Variants in ANKRD16 observed in about 807,000 individuals in gnomAD.
The protein encoded by ANKRD16 is ankyrin repeat domain-containing protein 16.
Under a neutral mutation model 37.9 loss-of-function variants are expected in ANKRD16, and 35 were observed. The observed-to-expected ratio is 0.92, with a 90% CI of 0.71 to 1.23. The LOEUF (loss-of-function observed/expected upper bound fraction) is 1.23. ANKRD16 is among the 50% of genes most tolerant of loss of function. The pLI, the probability that ANKRD16 is intolerant of heterozygous loss-of-function variation, is 0.00. For synonymous variants in ANKRD16, 206 were observed against 197.2 expected, an observed-to-expected ratio of 1.04 and a Z score of -0.37; for missense variants, 480 against 469.9, an observed-to-expected ratio of 1.02 and a Z score of -0.20.
chr10:5,868,632 C>CCCAG lies in ANKRD16; in HGVS notation c.*34-5945_*34-5942dup, dbSNP rs948409601. On this transcript the variant is annotated intron_variant, in intron 7 of 7. Transcript: ENST00000380094. This position sits in a 1 kb window ranked among gnomAD's most constrained non-coding sequence, Gnocchi z 4.9. Reference sequence around the variant, plus strand: ...AGTAAGGGAATAAAAGCTGGCCACCCCCAGCCAGCAGCGGCAACCCACTCG... The same window carrying CCCAG: ...AGTAAGGGAATAAAAGCTGGCCACCCCCAGCCAGCCAGCAGCGGCAACCCACTCG... 3.9e-5 allele frequency among the ~76,000 whole-genome samples: 6 copies of CCCAG among 152,138 alleles called. No homozygotes were observed. The highest frequency in any genetic ancestry group is 1.2e-4 in the African/African-American group (5 of 41,422).
In ANKRD16 at chr10:5,872,695, T is replaced by C. The variant is rs755806555; in HGVS notation, c.*33+5402A>G. Among the ~76,000 whole-genome samples, 22 of 150,986 alleles carry C rather than the reference T, an allele frequency of 1.5e-4. No individual in the cohort carries two copies. The East Asian group carries it at 2.0e-3, about 14-fold the overall frequency. On this transcript the variant is annotated intron_variant, in intron 7 of 7. Coordinates refer to ENST00000380094, the MANE Select transcript of ANKRD16 (RefSeq NM_019046.3). Reference sequence around the variant, plus strand: ...CCTCAGCCTCTCGAGTAGCTAGGACTACAGGCGCCCGCCACCACACCCGGC... The same window carrying C: ...CCTCAGCCTCTCGAGTAGCTAGGACCACAGGCGCCCGCCACCACACCCGGC...
In ANKRD16 at chr10:5,888,044, G is replaced by T; in HGVS notation, c.338C>A (p.Thr113Lys). 6.2e-7 allele frequency: 1 copy of T among 1,614,154 alleles called. No individual in the cohort carries two copies. Among genetic ancestry groups the T allele is most frequent in the South Asian group, 1.1e-5 (1 of 91,082 alleles). Residue 113 changes from threonine to lysine, a missense_variant, in exon 2 of 8, where the codon ACA (threonine) becomes AAA (lysine). By Grantham distance (78) the Thr-to-Lys change is moderately conservative. Coordinates refer to ENST00000380094, the MANE Select transcript of ANKRD16 (RefSeq NM_019046.3). ...ADWTPLMMAC[T>K]RKNLGVIQEL... ...CTGGATCACCCCCAGGTTCTTCCTT[G>T]TGCAGGCCATCATCAGAGGAGTCCT...
At position 5,866,293 on chromosome 10, in the gene ANKRD16, G is replaced by A. The variant is rs193057581; in HGVS notation, c.*34-3602C>T. Among the ~76,000 whole-genome samples, 5 of 152,294 alleles carry A rather than the reference G, an allele frequency of 3.3e-5. No homozygotes were observed. The highest frequency in any genetic ancestry group is 1.9e-4 in the East Asian group (1 of 5,188). On this transcript the variant is annotated intron_variant, in intron 7 of 7. Transcript: ENST00000380094. This position sits in a 1 kb window ranked among gnomAD's most constrained non-coding sequence, Gnocchi z 4.3. ...GTTATAGTCCAGACTTATGCTGCCC[G>A]AGATGAATTCTTAGAAGTCCCCTTA...
Position 5,871,343 on chromosome 10 carries a change from AGCCATT to A in ANKRD16, c.*33+6748_*33+6753del, listed in dbSNP as rs1344983649. Among the ~76,000 whole-genome samples the A allele has an allele frequency of 3.9e-5, 6 of 152,032 alleles. No individual in the cohort carries two copies. In the South Asian group the frequency reaches 6.2e-4, roughly 16 times the overall value. On this transcript the variant is annotated intron_variant, in intron 7 of 7. Transcript: ENST00000380094. The surrounding 1 kb of genome is among the most constrained non-coding windows in gnomAD (Gnocchi z 4.5). ...CAGAGGTTGCTGTGAGCCGAGATTGAGCCATTGCACTCTAGCCTGGGCGACAGAGCT... is the reference window on the plus strand; with the variant it reads ...CAGAGGTTGCTGTGAGCCGAGATTGAGCACTCTAGCCTGGGCGACAGAGCT...
In ANKRD16 at chr10:5,869,514, C is replaced by G. The variant is rs948358402; in HGVS notation, c.*34-6823G>C. On this transcript the variant is annotated intron_variant, in intron 7 of 7. Coordinates refer to ENST00000380094, the MANE Select transcript of ANKRD16 (RefSeq NM_019046.3). The surrounding 1 kb of genome is among the most constrained non-coding windows in gnomAD (Gnocchi z 4.0). ...TCCCTAACTCGTCAGACCTCCCATA[C>G]CACATCCTCACTCTCAGCTGATCAC... Among the ~76,000 whole-genome samples, 17 of 152,170 alleles carry G rather than the reference C, an allele frequency of 1.1e-4. No individual in the cohort carries two copies. Among genetic ancestry groups the G allele is most frequent in the Admixed American group, 4.6e-4 (7 of 15,274 alleles).
Position 5,873,766 on chromosome 10 carries a change from T to G in ANKRD16, c.*33+4331A>C, listed in dbSNP as rs184798312. ...TTAGCCTGACTTTTGCCATCTCGTT[T>G]CCATTTTGTGATCCTTTCCCTCTTG... On this transcript the variant is annotated intron_variant, in intron 7 of 7. Transcript: ENST00000380094. Among the ~76,000 whole-genome samples, 227 of 152,292 alleles carry G rather than the reference T, an allele frequency of 1.5e-3. 2 individuals are homozygous for G. The highest frequency in any genetic ancestry group is 0.014 in the Middle Eastern group (4 of 294).
At position 5,871,428 on chromosome 10, in the gene ANKRD16, TCA is replaced by T. The variant is rs543494530; in HGVS notation, c.*33+6667_*33+6668del. Among the ~76,000 whole-genome samples the T allele has an allele frequency of 7.9e-4, 116 of 146,836 alleles. No homozygotes were observed. The Middle Eastern group carries it at 0.018, about 23-fold the overall frequency. On this transcript the variant is annotated intron_variant, in intron 7 of 7. Transcript: ENST00000380094. The surrounding 1 kb of genome is among the most constrained non-coding windows in gnomAD (Gnocchi z 4.5). ...AAATAAATAAATAAATAAATAAATATCACACCACATCACTCTTTCCAACTGAA... is the reference window on the plus strand; with the variant it reads ...AAATAAATAAATAAATAAATAAATATCACCACATCACTCTTTCCAACTGAA...
rs567975932 is a variant in ANKRD16, at chr10:5,880,280, T to C, written c.928+18A>G. 87 of 1,470,640 alleles carry C rather than the reference T, an allele frequency of 5.9e-5. No individual in the cohort carries two copies. The highest frequency in any genetic ancestry group is 5.0e-5 in the Non-Finnish European group (54 of 1,070,072). 91.1% of individuals were successfully genotyped at this position (1,470,640 alleles called of 1,614,324 possible). A position where few individuals can be genotyped will look rare whatever the true frequency, so the allele number is the denominator to read the frequency against. ...TCAGTTTACTAATTTCCAAGGCATA[T>C]ATAAAATTAAACGGTACCTGATCGA... On this transcript the variant is annotated intron_variant, in intron 6 of 7. Coordinates refer to ENST00000380094, the MANE Select transcript of ANKRD16 (RefSeq NM_019046.3).
In ANKRD16 at chr10:5,887,915, A is replaced by G. The variant is rs1261661926; in HGVS notation, c.467T>C (p.Leu156Pro). Reference protein sequence around the residue: ...REGDPLILQYLLTVCPGAWKT... With the variant: ...REGDPLILQYPLTVCPGAWKT... ...CCAGGCACCTGGGCAAACAGTGAGCAGGTACTGGAGGATCAGAGGGTCGCC... is the reference window on the plus strand; with the variant it reads ...CCAGGCACCTGGGCAAACAGTGAGCGGGTACTGGAGGATCAGAGGGTCGCC... The change falls in exon 2 of 8, where the codon CTG becomes CCG. Residue 156 changes from leucine to proline, a missense_variant. Transcript: ENST00000380094. 6.2e-7 allele frequency: 1 copy of G among 1,614,232 alleles called. No homozygotes were observed. The highest frequency in any genetic ancestry group is 2.2e-5 in the East Asian group (1 of 44,892).
In ANKRD16 at chr10:5,869,095, A is replaced by C. The variant is rs1414164652; in HGVS notation, c.*34-6404T>G. On this transcript the variant is annotated intron_variant, in intron 7 of 7. Coordinates refer to ENST00000380094, the MANE Select transcript of ANKRD16 (RefSeq NM_019046.3). The surrounding 1 kb of genome is among the most constrained non-coding windows in gnomAD (Gnocchi z 4.0). ...TTTGCGATTTTTTTTTTTAAAGCTC[A>C]TCAGCTATCTTTAGTGATAGTGTAG... Among the ~76,000 whole-genome samples the C allele has an allele frequency of 6.6e-6, 1 of 152,052 alleles. No homozygotes were observed. Among genetic ancestry groups the C allele is most frequent in the Non-Finnish European group, 1.5e-5 (1 of 68,012 alleles).
rs537393503 is a variant in ANKRD16, at chr10:5,874,348, A to G, written c.*33+3749T>C. Among the ~76,000 whole-genome samples the G allele has an allele frequency of 1.3e-5, 2 of 152,260 alleles. No homozygotes were observed. The highest frequency in any genetic ancestry group is 6.5e-5 in the Admixed American group (1 of 15,288). ...GCTCTGGGAGGCAGGTTAAGCCACA[A>G]TTGGCAATCAATGCCCTTGGTCACA... On this transcript the variant is annotated intron_variant, in intron 7 of 7. Coordinates refer to ENST00000380094, the MANE Select transcript of ANKRD16 (RefSeq NM_019046.3). The surrounding 1 kb of genome is among the most constrained non-coding windows in gnomAD (Gnocchi z 4.7).
At chr10:5,872,840 G>A (rs1280819660) in intron 7 of ANKRD16, among the ~76,000 whole-genome samples, 2 of 151,520 alleles carry the variant, frequency 1.3e-5, no homozygotes, top group Non-Finnish European at 2.9e-5. Context: ...ACAGGCGTGA[G>A]CCACCGCGCC....
chr10:5,862,298 A>T lies in ANKRD16; in HGVS notation c.*427T>A, dbSNP rs7919286. 4,692 of 394,566 alleles carry T rather than the reference A, an allele frequency of 0.012. 201 individuals are homozygous for T. Among genetic ancestry groups the T allele is most frequent in the African/African-American group, 0.09 (4,276 of 47,386 alleles). 24.4% of individuals were successfully genotyped at this position (394,566 alleles called of 1,614,324 possible). Reference sequence around the variant, plus strand: ...TGACAATCTCATCAGAAGTGGTGCTACCACTGTGTTTCATGTTTTTGTGTT... The same window carrying T: ...TGACAATCTCATCAGAAGTGGTGCTTCCACTGTGTTTCATGTTTTTGTGTT... On this transcript the variant is annotated 3_prime_UTR_variant, in exon 8 of 8. Transcript: ENST00000380094. This position sits in a 1 kb window ranked among gnomAD's most constrained non-coding sequence, Gnocchi z 6.5.
rs941709514 is a variant in ANKRD16, at chr10:5,866,774, GAGAC to G, written c.*34-4087_*34-4084del. On this transcript the variant is annotated intron_variant, in intron 7 of 7. Transcript: ENST00000380094. This position sits in a 1 kb window ranked among gnomAD's most constrained non-coding sequence, Gnocchi z 4.3. ...GACCAGCAGAAAGGAAGGAGAGAAAGAGACAGACAGAGAGAAAGAGAGGAAGAGA... is the reference window on the plus strand; with the variant it reads ...GACCAGCAGAAAGGAAGGAGAGAAAGAGACAGAGAGAAAGAGAGGAAGAGA... Among the ~76,000 whole-genome samples the G allele has an allele frequency of 3.9e-5, 6 of 151,936 alleles. No homozygotes were observed. Among genetic ancestry groups the G allele is most frequent in the African/African-American group, 1.2e-4 (5 of 41,326 alleles).
At position 5,871,292 on chromosome 10, in the gene ANKRD16, C is replaced by T. The variant is rs1026578938; in HGVS notation, c.*33+6805G>A. 2.0e-5 allele frequency among the ~76,000 whole-genome samples: 3 copies of T among 152,076 alleles called. No individual in the cohort carries two copies. The highest frequency in any genetic ancestry group is 2.0e-4 in the Admixed American group (3 of 15,270). ...ATCCCAGCTACTCAGGAGGCTGAGG[C>T]AGGAGAATCGCTTGAACCCGGGAGG... On this transcript the variant is annotated intron_variant, in intron 7 of 7. Transcript: ENST00000380094. This position sits in a 1 kb window ranked among gnomAD's most constrained non-coding sequence, Gnocchi z 4.5.
intron 5 of ANKRD16, among the ~76,000 whole-genome samples, chr10:5,882,134 G>C (rs996592712): frequency 1.3e-5 from 2 of 152,188 alleles, no homozygotes; most frequent in Non-Finnish European, 2.9e-5. Flanking sequence ...TGAGACTACA[G>C]TTAAGGTTCC....
At chr10:5,885,157 A>G (rs555426136) in intron 3 of ANKRD16, among the ~76,000 whole-genome samples, 1 of 151,968 alleles carries the variant, frequency 6.6e-6, no homozygotes, top group Non-Finnish European at 1.5e-5. Flanking sequence ...TGGCCCTTGC[A>G]CCTGGTACAG....
chr10:5,888,413 C>G (rs1267831985), intron 1 of ANKRD16, among the ~76,000 whole-genome samples: 1 of 152,176 alleles, frequency 6.6e-6, no homozygotes, highest in Non-Finnish European at 1.5e-5. Flanking sequence ...TTCCCCTGCC[C>G]CAGTGGGGAA....
At chr10:5,887,664 C>T (rs1297187789) in intron 2 of ANKRD16, among the ~76,000 whole-genome samples, 183 bp downstream of exon 2, 2 of 152,176 alleles carry the variant, frequency 1.3e-5, no homozygotes, top group South Asian at 2.1e-4. Context: ...GGATTACAGG[C>T]GTGAGCCACT....
Sources: allele counts gnomAD v4.1 joint callset (sites outside exome capture counted in the v4.1 genomes callset), GRCh38; gene constraint gnomAD v4.1.1; non-coding constraint Gnocchi (gnomAD v3.1); transcripts MANE v1.5; gene names NCBI Gene and HGNC (gene_info 2026-07-23, HGNC 2026-07-21).